Variants in HTR2A observed in about 807,000 individuals in gnomAD.
HTR2A encodes the protein 5-hydroxytryptamine receptor 2A.
A neutral mutation model predicts 31.0 loss-of-function variants in HTR2A; 14 were observed. The observed-to-expected ratio is 0.45, with a 90% confidence interval of 0.30 to 0.71. The LOEUF (loss-of-function observed/expected upper bound fraction) is 0.71, where lower values mean the gene tolerates loss of function less well. Ranked by LOEUF, HTR2A falls within the 30% of genes least tolerant of loss-of-function variation. HTR2A has a pLI of 0.09. For synonymous variants in HTR2A, 209 were observed against 225.2 expected, an observed-to-expected ratio of 0.93 and a Z score of 0.64; for missense variants, 442 against 573.3, an observed-to-expected ratio of 0.77 and a Z score of 2.34.
At chr13:46,871,109 G>A (rs1445578407) in intron 3 of HTR2A, among the ~76,000 whole-genome samples, 1 of 152,170 alleles carries the variant, frequency 6.6e-6, no homozygotes, top group African/African-American at 2.4e-5. Flanking sequence ...CATGAGCTTG[G>A]TGCTGGAAGA....
At chr13:46,842,443 G>A (rs1425819652) in intron 3 of HTR2A, among the ~76,000 whole-genome samples, 2 of 152,136 alleles carry the variant, frequency 1.3e-5, no homozygotes, top group African/African-American at 4.8e-5. Flanking sequence ...TGGTCTAGAA[G>A]GTGTGGGGAG....
chr13:46,883,365 A>C (rs1308121054), intron 3 of HTR2A, among the ~76,000 whole-genome samples: 3 of 151,906 alleles, frequency 2.0e-5, no homozygotes, highest in Non-Finnish European at 4.4e-5. Flanking sequence ...AATAATGCAG[A>C]AAATACATGA....
chr13:46,848,267 C>A (rs1044459736), intron 3 of HTR2A, among the ~76,000 whole-genome samples: 2 of 152,144 alleles, frequency 1.3e-5, no homozygotes, highest in African/African-American at 4.8e-5. Flanking sequence ...CCTGTCTTCC[C>A]CAGTCTTAAG....
rs113136364 is a variant in HTR2A, at chr13:46,859,175, A to G, written c.614-23536T>C. Among the ~76,000 whole-genome samples the G allele has an allele frequency of 7.9e-3, 1,196 of 152,310 alleles. 16 individuals are homozygous for G. Among genetic ancestry groups the G allele is most frequent in the African/African-American group, 0.027 (1,102 of 41,566 alleles). ...ATCTCTCTTTCCCAAATAATCAGATATCTAAAATCTTGTGTTGAAGAGAAG... is the reference window on the plus strand; with the variant it reads ...ATCTCTCTTTCCCAAATAATCAGATGTCTAAAATCTTGTGTTGAAGAGAAG... On this transcript the variant is annotated intron_variant, in intron 3 of 3. Transcript: ENST00000542664.
intron 3 of HTR2A, among the ~76,000 whole-genome samples, chr13:46,862,077 T>C (rs1361222938): frequency 6.6e-6 from 1 of 152,214 alleles, no homozygotes; most frequent in Non-Finnish European, 1.5e-5. Context: ...ACAAATTAGC[T>C]GTGGACCTCA....
At chr13:46,845,240 G>A (rs2138192908) in intron 3 of HTR2A, among the ~76,000 whole-genome samples, 1 of 152,288 alleles carries the variant, frequency 6.6e-6, no homozygotes, top group African/African-American at 2.4e-5. Flanking sequence ...TGATGTCACA[G>A]TGCGAGGCTC....
chr13:46,845,646 A>G (rs1231290354), intron 3 of HTR2A, among the ~76,000 whole-genome samples: 1 of 148,012 alleles, frequency 6.8e-6, no homozygotes, highest in African/African-American at 2.5e-5. Context: ...ATCACTCCAA[A>G]AAAAAAAAAA....
intron 3 of HTR2A, among the ~76,000 whole-genome samples, chr13:46,842,753 G>C (rs1488161373): frequency 5.9e-5 from 9 of 152,036 alleles, no homozygotes; most frequent in Non-Finnish European, 1.2e-4. Flanking sequence ...TATTCAGGAG[G>C]ATATTACCCA....
intron 3 of HTR2A, among the ~76,000 whole-genome samples, chr13:46,872,404 C>T (rs1950869204): frequency 6.6e-6 from 1 of 152,152 alleles, no homozygotes; most frequent in Non-Finnish European, 1.5e-5. Flanking sequence ...TATATGAAAA[C>T]ATTAGTTTAA....
At chr13:46,878,589 A>G (rs1330017627) in intron 3 of HTR2A, among the ~76,000 whole-genome samples, 1 of 152,186 alleles carries the variant, frequency 6.6e-6, no homozygotes, top group Non-Finnish European at 1.5e-5. Flanking sequence ...ATGAGAAGGT[A>G]GAGAATGGGT....
At chr13:46,890,957 C>T (rs1951047703) in intron 3 of HTR2A, among the ~76,000 whole-genome samples, 1 of 152,154 alleles carries the variant, frequency 6.6e-6, no homozygotes, top group Non-Finnish European at 1.5e-5. Context: ...ACTGGCCCTT[C>T]ACTTTCTTGC....
intron 3 of HTR2A, among the ~76,000 whole-genome samples, chr13:46,872,581 C>T (rs1950870918): frequency 6.6e-6 from 1 of 152,028 alleles, no homozygotes; most frequent in Admixed American, 6.6e-5. Flanking sequence ...GTTTATTTGA[C>T]CACTCTGTAT....
intron 3 of HTR2A, among the ~76,000 whole-genome samples, chr13:46,856,973 G>C (rs9534496): frequency 0.18 from 27,483 of 152,046 alleles, 2,815 homozygotes; most frequent in Non-Finnish European, 0.23. Flanking sequence ...CTGCTAGAAC[G>C]AACTGCCACA....
Position 46,834,870 on chromosome 13 carries a change from G to A in HTR2A, c.1383C>T (p.Ser461=), listed in dbSNP as rs139888059. The A allele has an allele frequency of 4.1e-4, 655 of 1,613,406 alleles. No individual in the cohort carries two copies. Among genetic ancestry groups the A allele is most frequent in the Non-Finnish European group, 5.0e-4 (587 of 1,179,804 alleles). The change falls in exon 4 of 4, where the codon AGC becomes AGT. Residue 461 remains serine (S), a synonymous_variant. Transcript: ENST00000542664. The part of the protein sequence containing the change: ...QHSEEASKDN[S]DGVNEKVSCV ...AGCTCACCTTTTCATTCACTCCGTC[G>A]CTATTGTCTTTAGAAGCCTCTTCAG...
rs143405393 is a variant in HTR2A, at chr13:46,878,867, A to G, written c.613+13523T>C. ...CTCACCCCTAAAATTCTATTTAATG[A>G]TACAAAAGAATTAGAAGAAAAAAAT... On this transcript the variant is annotated intron_variant, in intron 3 of 3. Transcript: ENST00000542664. 4.0e-3 allele frequency among the ~76,000 whole-genome samples: 612 copies of G among 152,338 alleles called. 4 individuals carry two copies. The highest frequency in any genetic ancestry group is 0.014 in the African/African-American group (590 of 41,586).
intron 3 of HTR2A, among the ~76,000 whole-genome samples, chr13:46,846,578 T>G (rs1566302217): frequency 6.6e-6 from 1 of 152,196 alleles, no homozygotes; most frequent in Non-Finnish European, 1.5e-5. Context: ...CCAGAATGGC[T>G]GATAATGGTC....
intron 3 of HTR2A, among the ~76,000 whole-genome samples, chr13:46,868,407 A>G (rs1950835870): frequency 6.6e-6 from 1 of 152,218 alleles, no homozygotes; most frequent in African/African-American, 2.4e-5. Context: ...AACAAGTAAA[A>G]CTATTCAGAA....
intron 3 of HTR2A, among the ~76,000 whole-genome samples, chr13:46,877,991 T>G (rs1171266860): frequency 6.6e-6 from 1 of 152,094 alleles, no homozygotes; most frequent in Non-Finnish European, 1.5e-5. Context: ...CAGTAAGAGA[T>G]GAAATAGAGG....
At chr13:46,838,754 T>C (rs1157896450) in intron 3 of HTR2A, among the ~76,000 whole-genome samples, 1 of 152,138 alleles carries the variant, frequency 6.6e-6, no homozygotes, top group Non-Finnish European at 1.5e-5. Context: ...AGAAACAAGA[T>C]ATCAACCGTC....
Sources: allele counts gnomAD v4.1 joint callset (sites outside exome capture counted in the v4.1 genomes callset), GRCh38; gene constraint gnomAD v4.1.1; transcripts MANE v1.5; gene names NCBI Gene and HGNC (gene_info 2026-07-23, HGNC 2026-07-21).